Variants in KHDRBS2 observed in about 807,000 individuals in gnomAD.
KHDRBS2 encodes KH RNA binding domain containing, signal transduction associated 2.
Under a neutral mutation model 44.3 loss-of-function variants are expected in KHDRBS2, and 26 were observed. The ratio of observed to expected loss-of-function variants is 0.59; its 90% CI spans 0.43 to 0.81. KHDRBS2 has a LOEUF of 0.81. KHDRBS2 is among the 40% of genes least tolerant of loss of function. The pLI is 0.00. For missense variants in KHDRBS2, 476 were observed against 433.1 expected (o/e 1.10, Z -0.88); for synonymous variants, 194 against 151.1 (o/e 1.28, Z -2.08).
intron 2 of KHDRBS2, 53 bp from the exon 3 acceptor site, chr6:62,048,047 T>G: frequency 1.9e-6 from 2 of 1,035,894 alleles, no homozygotes; most frequent in Non-Finnish European, 3.1e-6. Context: ...AAAGTGATTA[T>G]TTGCACCAAG....
the KHDRBS2 span, among the ~76,000 whole-genome samples, chr6:61,660,453 A>T: frequency 1.3e-5 from 2 of 151,804 alleles, no homozygotes; most frequent in Non-Finnish European, 2.9e-5. Context: ...TTAAGAAAAA[A>T]TTCCTGAAAT....
chr6:62,191,376 G>A (rs1824574911), intron 1 of KHDRBS2, among the ~76,000 whole-genome samples: 1 of 152,090 alleles, frequency 6.6e-6, no homozygotes, highest in Admixed American at 6.6e-5. Context: ...CCTCTGACCA[G>A]TGGAGAATTA....
At chr6:61,815,737 C>T (rs73476648) in intron 6 of KHDRBS2, among the ~76,000 whole-genome samples, 9,043 of 152,086 alleles carry the variant, frequency 0.059, 887 homozygotes, top group African/African-American at 0.2. Flanking sequence ...ATATACTCAA[C>T]CAAGCAAATG....
At chr6:61,562,666 T>G in the KHDRBS2 span, among the ~76,000 whole-genome samples, 42 of 152,222 alleles carry the variant, frequency 2.8e-4, no homozygotes, top group South Asian at 7.9e-3. Context: ...TCAAGGAAGA[T>G]AGAACCCCCA....
intron 2 of KHDRBS2, among the ~76,000 whole-genome samples, chr6:62,096,348 T>C (rs560242500): frequency 1.4e-4 from 21 of 152,084 alleles, no homozygotes; most frequent in African/African-American, 5.1e-4. Flanking sequence ...TGAAGCCTTC[T>C]GGTCCTAGAT....
At chr6:62,166,345 T>G (rs373326940) in intron 2 of KHDRBS2, among the ~76,000 whole-genome samples, 1 of 152,050 alleles carries the variant, frequency 6.6e-6, no homozygotes, top group African/African-American at 2.4e-5. Flanking sequence ...ACAAGTGAGG[T>G]TGTTCTACAG....
At position 62,255,031 on chromosome 6, in the gene KHDRBS2, T is replaced by C. The variant is rs564946067; in HGVS notation, c.91+30827A>G. On this transcript the variant is annotated intron_variant, in intron 1 of 8. Transcript: ENST00000281156. ...AAATATGTGCTGTGAGTCAAGACCA[T>C]ACCTGAGAGTTATGCTAAGATAAAC... 2.7e-4 allele frequency among the ~76,000 whole-genome samples: 41 copies of C among 152,154 alleles called. No homozygotes were observed. The South Asian group carries it at 5.2e-3, about 19-fold the overall frequency.
Position 62,286,103 on chromosome 6 carries a change from G to C in KHDRBS2, c.-155C>G. 2 of 587,054 alleles carry C rather than the reference G, an allele frequency of 3.4e-6. No homozygotes were observed. The highest frequency in any genetic ancestry group is 6.0e-6 in the Non-Finnish European group (2 of 334,928). 36.4% of individuals were successfully genotyped at this position (587,054 alleles called of 1,614,324 possible). On this transcript the variant is annotated 5_prime_UTR_variant, in exon 1 of 9. Coordinates refer to ENST00000281156, the MANE Select transcript of KHDRBS2 (RefSeq NM_152688.4). Reference sequence around the variant, plus strand: ...TCACTGGCCCATGCACCCAGCACCTGCGACTCCCGCCGTCGGGCTGCGTGG... The same window carrying C: ...TCACTGGCCCATGCACCCAGCACCTCCGACTCCCGCCGTCGGGCTGCGTGG...
At chr6:61,740,410 A>G (rs1775976056) in intron 6 of KHDRBS2, among the ~76,000 whole-genome samples, 1 of 151,898 alleles carries the variant, frequency 6.6e-6, no homozygotes, top group Admixed American at 6.6e-5. Context: ...TGTTTTCTAT[A>G]ACATGGTAAA....
intron 1 of KHDRBS2, among the ~76,000 whole-genome samples, chr6:62,271,189 A>T (rs1315464715): frequency 2.0e-5 from 3 of 152,186 alleles, no homozygotes; most frequent in Non-Finnish European, 4.4e-5. Context: ...ATGTGTATAT[A>T]TAGTCATATG....
chr6:62,168,754 G>C (rs1466688924), intron 2 of KHDRBS2, among the ~76,000 whole-genome samples: 1 of 151,884 alleles, frequency 6.6e-6, no homozygotes, highest in Non-Finnish European at 1.5e-5. Context: ...TGATGTAATT[G>C]TATTGAAGAC....
chr6:61,577,662 G>GTA, the KHDRBS2 span, among the ~76,000 whole-genome samples: 1 of 152,030 alleles, frequency 6.6e-6, no homozygotes, highest in Non-Finnish European at 1.5e-5. Context: ...AGTAAAATAA[G>GTA]AAATATACTA....
chr6:61,946,504 A>G (rs762463675), intron 4 of KHDRBS2, among the ~76,000 whole-genome samples: 1 of 152,142 alleles, frequency 6.6e-6, no homozygotes, highest in Non-Finnish European at 1.5e-5. Flanking sequence ...AATGTTTCAA[A>G]CCTACTTTTT....
chr6:61,743,740 C>T, intron 6 of KHDRBS2, among the ~76,000 whole-genome samples: 1 of 151,558 alleles, frequency 6.6e-6, no homozygotes, highest in Non-Finnish European at 1.5e-5. Flanking sequence ...ATTAACTCGT[C>T]ATTTAGCATT....
chr6:61,936,391 T>A (rs1811035118), intron 4 of KHDRBS2, among the ~76,000 whole-genome samples: 1 of 152,090 alleles, frequency 6.6e-6, no homozygotes, highest in Non-Finnish European at 1.5e-5. Flanking sequence ...TCTCTCCTCC[T>A]GAATAGGCTT....
intron 6 of KHDRBS2, among the ~76,000 whole-genome samples, chr6:61,809,502 T>C (rs1399023088): frequency 6.6e-6 from 1 of 152,078 alleles, no homozygotes; most frequent in Non-Finnish European, 1.5e-5. Context: ...CTCTACAAAA[T>C]ACCTTAAGAA....
At chr6:62,078,918 C>T (rs1796862186) in intron 2 of KHDRBS2, among the ~76,000 whole-genome samples, 1 of 151,972 alleles carries the variant, frequency 6.6e-6, no homozygotes, top group Non-Finnish European at 1.5e-5. Flanking sequence ...TTAGAGAAGT[C>T]AGCTATATTT....
the KHDRBS2 span, among the ~76,000 whole-genome samples, chr6:61,654,453 C>T: frequency 1.3e-5 from 2 of 151,772 alleles, no homozygotes; most frequent in Admixed American, 6.6e-5. Context: ...AGGATGGATA[C>T]GGGAGAGAGA....
intron 4 of KHDRBS2, among the ~76,000 whole-genome samples, chr6:61,936,633 C>A (rs1811085718): frequency 2.0e-5 from 3 of 151,652 alleles, no homozygotes; most frequent in Non-Finnish European, 4.4e-5. Flanking sequence ...TTGTCCAGTT[C>A]TTTCAGTGAA....
Sources: allele counts gnomAD v4.1 joint callset (sites outside exome capture counted in the v4.1 genomes callset), GRCh38; gene constraint gnomAD v4.1.1; transcripts MANE v1.5; gene names NCBI Gene and HGNC (gene_info 2026-07-23, HGNC 2026-07-21).